The following OPCML variants were observed in gnomAD, a reference collection of about 807,000 sequenced individuals.
OPCML encodes the protein opioid binding protein/cell adhesion molecule like.
OPCML carries 13 observed loss-of-function variants against 37.8 expected under a neutral mutation model. The ratio of observed to expected loss-of-function variants is 0.34; its 90% CI spans 0.22 to 0.55. The LOEUF is 0.55. Among genes scored for constraint, OPCML ranks in the 20% least tolerant of loss-of-function variants. The pLI, the probability that OPCML is intolerant of heterozygous loss-of-function variation, is 0.91. For missense variants in OPCML, 341 were observed against 435.6 expected (o/e 0.78, Z 1.93); for synonymous variants, 176 against 168.8 (o/e 1.04, Z -0.33).
intron 1 of OPCML, among the ~76,000 whole-genome samples, chr11:133,481,823 G>A (rs758086816): frequency 3.3e-5 from 5 of 152,210 alleles, no homozygotes; most frequent in African/African-American, 4.8e-5. Context: ...ACTATTCAAC[G>A]GGATGGAGGA....
intron 1 of OPCML, among the ~76,000 whole-genome samples, chr11:133,216,903 TATGTA>T (rs1939607714): frequency 6.6e-6 from 1 of 152,188 alleles, no homozygotes; most frequent in Admixed American, 6.5e-5. Flanking sequence ...TATACAAATA[TATGTA>T]ATGTATTTAT....
At chr11:132,778,574 T>G (rs1021170359) in intron 2 of OPCML, among the ~76,000 whole-genome samples, 1 of 152,246 alleles carries the variant, frequency 6.6e-6, no homozygotes, top group African/African-American at 2.4e-5. Flanking sequence ...TCTGTGGAAT[T>G]TTGCAGTCTC....
chr11:133,104,460 AG>A (rs748489162), intron 1 of OPCML, among the ~76,000 whole-genome samples: 15 of 152,194 alleles, frequency 9.9e-5, no homozygotes, highest in Admixed American at 2.0e-4. Flanking sequence ...TTATAAAACA[AG>A]TTATTTAGCG....
intron 1 of OPCML, among the ~76,000 whole-genome samples, chr11:133,111,487 C>T (rs751765401): frequency 1.3e-5 from 2 of 152,134 alleles, no homozygotes; most frequent in African/African-American, 2.4e-5. Flanking sequence ...TTAGTTAGTA[C>T]GAGTCTTTCT....
intron 3 of OPCML, among the ~76,000 whole-genome samples, chr11:132,549,425 T>C (rs1231167379): frequency 1.3e-5 from 2 of 152,198 alleles, no homozygotes; most frequent in African/African-American, 4.8e-5. Flanking sequence ...ATAAGTATAT[T>C]CAGTCAAACA....
chr11:133,510,272 T>C (rs1421407434), intron 1 of OPCML, among the ~76,000 whole-genome samples: 1 of 152,232 alleles, frequency 6.6e-6, no homozygotes, highest in East Asian at 1.9e-4. Flanking sequence ...TTCTTTTGTA[T>C]GCTACAGAGT....
chr11:132,455,503 G>A (rs908227305), intron 4 of OPCML, among the ~76,000 whole-genome samples: 1 of 152,208 alleles, frequency 6.6e-6, no homozygotes, highest in Non-Finnish European at 1.5e-5. Context: ...CCGCCCTCGA[G>A]TGAGATCCCT....
Position 133,063,100 on chromosome 11 carries a change from C to T in OPCML, c.62-120090G>A, listed in dbSNP as rs1948378844. ...AGCACGTGCTGTGAGTTCTACCGGT[C>T]AGTCCAGAGACCAGCCTTCGCAGTG... On this transcript the variant is annotated intron_variant, in intron 1 of 7. Transcript: ENST00000524381. Among the ~76,000 whole-genome samples, 2 of 152,222 alleles carry T rather than the reference C, an allele frequency of 1.3e-5. 1 individual carries two copies. Among genetic ancestry groups the T allele is most frequent in the South Asian group, 4.1e-4 (2 of 4,834 alleles).
chr11:133,220,332 A>G (rs1195641119), intron 1 of OPCML, among the ~76,000 whole-genome samples: 1 of 152,220 alleles, frequency 6.6e-6, no homozygotes, highest in African/African-American at 2.4e-5. Context: ...GCTGTGCTGC[A>G]GGCATTAACC....
chr11:133,447,236 C>T (rs1402799329), intron 1 of OPCML, among the ~76,000 whole-genome samples: 1 of 152,166 alleles, frequency 6.6e-6, no homozygotes. Context: ...ATTGAAAAGG[C>T]ATCTCATTGT....
intron 1 of OPCML, among the ~76,000 whole-genome samples, chr11:133,317,184 G>A (rs1463035600): frequency 3.9e-5 from 6 of 152,254 alleles, no homozygotes; most frequent in South Asian, 2.1e-4. Flanking sequence ...GTGACAGAGC[G>A]AGATGCTATG....
At chr11:132,783,503 T>C (rs1300549484) in intron 2 of OPCML, among the ~76,000 whole-genome samples, 1 of 152,178 alleles carries the variant, frequency 6.6e-6, no homozygotes, top group Non-Finnish European at 1.5e-5. Flanking sequence ...CTTTGCCAAA[T>C]TTTATTCTTA....
chr11:133,484,161 T>G (rs1471485747), intron 1 of OPCML, among the ~76,000 whole-genome samples: 1 of 128,942 alleles, frequency 7.8e-6, no homozygotes, highest in Non-Finnish European at 1.6e-5. Context: ...GATAGATAGA[T>G]AGGTAGATAG....
At chr11:132,781,031 CA>C (rs1227183157) in intron 2 of OPCML, among the ~76,000 whole-genome samples, 2 of 152,014 alleles carry the variant, frequency 1.3e-5, no homozygotes, top group African/African-American at 4.8e-5. Context: ...GGATTTGAGG[CA>C]ATGTATCAAG....
At chr11:132,900,495 G>T (rs1418216132) in intron 2 of OPCML, among the ~76,000 whole-genome samples, 1 of 152,104 alleles carries the variant, frequency 6.6e-6, no homozygotes, top group Non-Finnish European at 1.5e-5. Flanking sequence ...TCTTCCCATT[G>T]CAGCCAAAAT....
intron 1 of OPCML, among the ~76,000 whole-genome samples, chr11:133,095,215 T>A (rs1479432853): frequency 6.6e-6 from 1 of 150,808 alleles, no homozygotes; most frequent in African/African-American, 2.4e-5. Context: ...TCTAGCCACA[T>A]CTTCCAATAA....
intron 2 of OPCML, among the ~76,000 whole-genome samples, chr11:132,812,920 A>G (rs1939427017): frequency 6.6e-6 from 1 of 152,218 alleles, no homozygotes; most frequent in Admixed American, 6.5e-5. Flanking sequence ...AGCAAGATGA[A>G]TTAGATCTAT....
chr11:132,520,369 C>T (rs2096289812), intron 4 of OPCML, among the ~76,000 whole-genome samples: 2 of 152,318 alleles, frequency 1.3e-5, no homozygotes, highest in South Asian at 4.1e-4. Flanking sequence ...ACCTTTCCAT[C>T]TGTTTCCCTC....
At chr11:133,005,134 T>A in intron 1 of OPCML, 2 of 985,252 alleles carry the variant, frequency 2.0e-6, no homozygotes, top group Non-Finnish European at 2.4e-6. Flanking sequence ...TAGAATGAAA[T>A]CCCTGCCTGC....
Sources: gnomAD v4.1 joint callset for allele counts (sites outside exome capture counted in the v4.1 genomes callset) on GRCh38, gnomAD v4.1.1 for gene constraint, MANE v1.5 for transcripts, NCBI Gene and HGNC (gene_info 2026-07-23, HGNC 2026-07-21) for gene names.